The following BCAS3 variants were observed in gnomAD, a reference collection of about 807,000 sequenced individuals.
The protein encoded by BCAS3 is BCAS4/BCAS3 fusion.
A neutral mutation model predicts 116.1 loss-of-function variants in BCAS3; 53 were observed. The ratio of observed to expected loss-of-function variants is 0.46; its 90% confidence interval spans 0.37 to 0.57. BCAS3 has a LOEUF of 0.57. BCAS3 is among the 20% of genes least tolerant of loss of function. The pLI, the probability that BCAS3 is intolerant of heterozygous loss-of-function variation, is 0.00. For missense variants in BCAS3, 917 were observed against 1,165.4 expected (o/e 0.79, Z 3.10); for synonymous variants, 391 against 408.2 (o/e 0.96, Z 0.51).
intron 22 of BCAS3, among the ~76,000 whole-genome samples, chr17:61,172,865 G>A (rs896305960): frequency 6.6e-6 from 1 of 151,698 alleles, no homozygotes; most frequent in African/African-American, 2.4e-5. Context: ...GTGGGCACCT[G>A]TAGTCCCAGC....
At chr17:61,372,071 C>T (rs2059078709) in intron 23 of BCAS3, among the ~76,000 whole-genome samples, 2 of 152,186 alleles carry the variant, frequency 1.3e-5, no homozygotes, top group Admixed American at 6.5e-5. Context: ...AACTCCAATT[C>T]GAGCTCAATC....
rs181316039 is a variant in BCAS3, at chr17:60,940,774, C to T, written c.1088-6445C>T. On this transcript the variant is annotated intron_variant, in intron 13 of 23. Transcript: ENST00000407086. ...TGATTCAGCATAATCATGTTTATGT[C>T]TCTTTTTGGAAAAGAGTGTGAGTAG... 2.8e-3 allele frequency among the ~76,000 whole-genome samples: 420 copies of T among 152,242 alleles called. 2 individuals carry two copies. The highest frequency in any genetic ancestry group is 4.6e-3 in the Non-Finnish European group (310 of 68,014).
intron 12 of BCAS3, among the ~76,000 whole-genome samples, chr17:60,921,388 C>T (rs1038004295): frequency 1.3e-5 from 2 of 151,906 alleles, no homozygotes; most frequent in African/African-American, 2.4e-5. Context: ...CCGAGGCGGG[C>T]GGATCACAAG....
intron 22 of BCAS3, among the ~76,000 whole-genome samples, chr17:61,330,702 C>G (rs535277184): frequency 1.3e-5 from 2 of 152,352 alleles, no homozygotes; most frequent in South Asian, 4.1e-4. Context: ...AGTGAGCACA[C>G]AGGGGACACC....
At chr17:60,865,060 A>C (rs567502313) in intron 7 of BCAS3, among the ~76,000 whole-genome samples, 54 of 152,318 alleles carry the variant, frequency 3.5e-4, no homozygotes, top group African/African-American at 1.3e-3. Flanking sequence ...TAACAGATAT[A>C]ATAATAAATG....
chr17:61,116,844 C>T (rs2075493408), intron 22 of BCAS3, among the ~76,000 whole-genome samples: 1 of 152,168 alleles, frequency 6.6e-6, no homozygotes, highest in South Asian at 2.1e-4. Context: ...TTTCTGATGA[C>T]AAATGTGATG....
At chr17:61,043,825 C>T (rs1341046355) in intron 19 of BCAS3, among the ~76,000 whole-genome samples, 1 of 151,948 alleles carries the variant, frequency 6.6e-6, no homozygotes. Context: ...TATGGTAAAT[C>T]ACAGAAATGC....
rs542621765 is a variant in BCAS3, at chr17:60,967,177, A to C, written c.1221+19825A>C. ...GAAAAGCTTTCTTTTAGCACATCAG[A>C]GTTTTCTTGGTTCAGATTGAATTAT... On this transcript the variant is annotated intron_variant, in intron 14 of 23. Transcript: ENST00000407086. This position sits in a 1 kb window ranked among gnomAD's most constrained non-coding sequence, Gnocchi z 4.7. Among the ~76,000 whole-genome samples, 1 of 152,140 alleles carries C rather than the reference A, an allele frequency of 6.6e-6. No homozygotes were observed. The highest frequency in any genetic ancestry group is 1.9e-4 in the East Asian group (1 of 5,166).
chr17:60,837,319 T>G (rs2051450822), intron 7 of BCAS3, among the ~76,000 whole-genome samples: 1 of 152,144 alleles, frequency 6.6e-6, no homozygotes, highest in Admixed American at 6.5e-5. Flanking sequence ...CACTAGAACT[T>G]TATTTATTTG....
Position 61,029,111 on chromosome 17 carries a change from T to C in BCAS3, c.1638-5555T>C, listed in dbSNP as rs949900027. Among the ~76,000 whole-genome samples the C allele has an allele frequency of 6.6e-6, 1 of 151,944 alleles. No individual in the cohort carries two copies. Among genetic ancestry groups the C allele is most frequent in the Admixed American group, 6.6e-5 (1 of 15,244 alleles). ...TAAATATGTTTTTAGTATATCCAGT[T>C]ATAGGGTAATATATGTATTTTGGAT... On this transcript the variant is annotated intron_variant, in intron 16 of 23. Transcript: ENST00000407086. This position sits in a 1 kb window ranked among gnomAD's most constrained non-coding sequence, Gnocchi z 5.2.
At chr17:60,991,336 C>T (rs2063512261) in intron 15 of BCAS3, among the ~76,000 whole-genome samples, 1 of 152,054 alleles carries the variant, frequency 6.6e-6, no homozygotes, top group South Asian at 2.1e-4. Context: ...GTTTATTTAT[C>T]CTTTCTACTA....
intron 6 of BCAS3, among the ~76,000 whole-genome samples, chr17:60,782,704 G>A: frequency 6.6e-6 from 1 of 151,724 alleles, no homozygotes; most frequent in Middle Eastern, 3.2e-3. Flanking sequence ...ACCTGTCTCA[G>A]CCTCCAGAGT....
At chr17:60,925,950 A>G (rs2059347258) in intron 13 of BCAS3, among the ~76,000 whole-genome samples, 1 of 152,000 alleles carries the variant, frequency 6.6e-6, no homozygotes, top group Admixed American at 6.6e-5. Context: ...TGTATACCCT[A>G]TACACATAGC....
Position 61,356,403 on chromosome 17 carries a change from G to A in BCAS3, c.2426-11924G>A, listed in dbSNP as rs2143397600. ...TAAAACAGAAGAGTAAAGGGTCTCT[G>A]GCGTCCAGTCTGGGAATGCCAGCTT... On this transcript the variant is annotated intron_variant, in intron 22 of 23. Transcript: ENST00000407086. This position sits in a 1 kb window ranked among gnomAD's most constrained non-coding sequence, Gnocchi z 5.4. Among the ~76,000 whole-genome samples the A allele has an allele frequency of 6.6e-6, 1 of 152,280 alleles. No homozygotes were observed. Among genetic ancestry groups the A allele is most frequent in the South Asian group, 2.1e-4 (1 of 4,830 alleles).
intron 5 of BCAS3, among the ~76,000 whole-genome samples, chr17:60,729,242 A>G (rs930017814): frequency 2.7e-5 from 4 of 148,094 alleles, no homozygotes; most frequent in African/African-American, 7.4e-5. Flanking sequence ...TTTCTTTTTG[A>G]TGGGCTTTGT....
intron 14 of BCAS3, among the ~76,000 whole-genome samples, chr17:60,955,801 A>C (rs1478489226): frequency 6.6e-6 from 1 of 152,142 alleles, no homozygotes; most frequent in Non-Finnish European, 1.5e-5. Flanking sequence ...TTTTTGTCAA[A>C]AGTGCCTCAA....
intron 12 of BCAS3, among the ~76,000 whole-genome samples, chr17:60,921,814 A>T (rs879046875): frequency 6.8e-6 from 1 of 147,974 alleles, no homozygotes; most frequent in Non-Finnish European, 1.5e-5. Flanking sequence ...AGTTGAAATT[A>T]AAAAAAAAAC....
At chr17:61,157,462 C>T (rs986319582) in intron 22 of BCAS3, 2 of 152,024 alleles carry the variant, frequency 1.3e-5, no homozygotes, top group Non-Finnish European at 2.9e-5. Flanking sequence ...TGCAGAAGAG[C>T]AGAACATTAA....
chr17:61,034,588 A>G lies in BCAS3; in HGVS notation c.1638-78A>G. ...GAGGATTTGAATAGGGGTGGAATTT[A>G]AAGGAAAAACTGTCATTACCTAAAG... On this transcript the variant is annotated intron_variant, in intron 16 of 23. Coordinates refer to ENST00000407086, the MANE Select transcript of BCAS3 (RefSeq NM_017679.5). The surrounding 1 kb of genome is among the most constrained non-coding windows in gnomAD (Gnocchi z 5.0). 1 of 1,357,232 alleles carries G rather than the reference A, an allele frequency of 7.4e-7. No homozygotes were observed. The highest frequency in any genetic ancestry group is 1.0e-6 in the Non-Finnish European group (1 of 997,754). 84.1% of individuals were successfully genotyped at this position (1,357,232 alleles called of 1,614,324 possible).
Sources: gnomAD v4.1 joint callset for allele counts (sites outside exome capture counted in the v4.1 genomes callset) on GRCh38, gnomAD v4.1.1 for gene constraint, Gnocchi (gnomAD v3.1) non-coding constraint, MANE v1.5 for transcripts, NCBI Gene and HGNC (gene_info 2026-07-23, HGNC 2026-07-21) for gene names.